Variants in SPAG17 observed in about 807,000 individuals in gnomAD.
SPAG17 encodes sperm-associated antigen 17.
In SPAG17, 169 loss-of-function variants were observed where a neutral mutation model predicts 273.6. The observed-to-expected ratio is 0.62, with a 90% CI of 0.55 to 0.70. SPAG17 has a LOEUF of 0.70. Ranked by LOEUF, SPAG17 falls within the 30% of genes least tolerant of loss-of-function variation. SPAG17 has a pLI of 0.00. For synonymous variants in SPAG17, 825 were observed against 873.2 expected (o/e 0.94, Z 0.97); for missense variants, 2,557 against 2,627.8 (o/e 0.97, Z 0.59).
intron 3 of SPAG17, among the ~76,000 whole-genome samples, chr1:118,142,620 T>C (rs1233220792): frequency 6.6e-6 from 1 of 152,252 alleles, no homozygotes; most frequent in Non-Finnish European, 1.5e-5. Context: ...CACTTAAGTC[T>C]GTGCCAGGTA....
chr1:118,016,265 T>C, intron 28 of SPAG17, 83 bp from the exon 29 acceptor site: 1 of 1,054,704 alleles, frequency 9.5e-7, no homozygotes, highest in Non-Finnish European at 1.4e-6. Flanking sequence ...TTTGACACAG[T>C]ACAAACTACC....
chr1:118,088,131 A>G (rs1329698677), intron 10 of SPAG17, among the ~76,000 whole-genome samples: 4 of 152,212 alleles, frequency 2.6e-5, no homozygotes, highest in African/African-American at 7.2e-5. Flanking sequence ...CAATCATAAA[A>G]GATCACTCAA....
intron 18 of SPAG17, among the ~76,000 whole-genome samples, chr1:118,059,714 T>G (rs1410890292): frequency 1.3e-5 from 2 of 152,142 alleles, no homozygotes; most frequent in Non-Finnish European, 2.9e-5. Flanking sequence ...TTGTAACAAT[T>G]TTTGACTTAA....
intron 3 of SPAG17, among the ~76,000 whole-genome samples, chr1:118,136,178 G>T (rs1296693535): frequency 1.3e-5 from 2 of 152,132 alleles, no homozygotes; most frequent in East Asian, 3.9e-4. Context: ...CTTTTTAGGG[G>T]TTCCAGCAAA....
intron 1 of SPAG17, among the ~76,000 whole-genome samples, chr1:118,170,858 G>A (rs1426221795): frequency 1.3e-5 from 2 of 152,290 alleles, no homozygotes; most frequent in African/African-American, 4.8e-5. Context: ...TATCTTGTGG[G>A]ATATCCTGTG....
At chr1:118,181,305 C>G (rs1009704382) in intron 1 of SPAG17, among the ~76,000 whole-genome samples, 1 of 151,678 alleles carries the variant, frequency 6.6e-6, no homozygotes, top group Non-Finnish European at 1.5e-5. Flanking sequence ...TTTAAATGTA[C>G]ATGTATTAAA....
Position 118,100,389 on chromosome 1 carries a change from C to T in SPAG17, c.635-589G>A, listed in dbSNP as rs184355020. 5.3e-5 allele frequency among the ~76,000 whole-genome samples: 8 copies of T among 152,148 alleles called. No individual in the cohort carries two copies. The East Asian group carries it at 1.4e-3, about 26-fold the overall frequency. On this transcript the variant is annotated intron_variant, in intron 5 of 48. Coordinates refer to ENST00000336338, the MANE Select transcript of SPAG17 (RefSeq NM_206996.4). ...CCTAACATTTTTCTCCTTTATTTGG[C>T]CCTGGTTATACTATTTTATTAATAT...
intron 48 of SPAG17, chr1:117,954,771 C>T: frequency 4.4e-6 from 4 of 909,318 alleles, no homozygotes; most frequent in Non-Finnish European, 6.5e-6. Context: ...TTGGCATTCT[C>T]TAGGATATTT....
intron 1 of SPAG17, among the ~76,000 whole-genome samples, chr1:118,182,523 T>TTTTTATATA (rs1235313136): frequency 9.2e-5 from 14 of 152,334 alleles, no homozygotes; most frequent in African/African-American, 3.4e-4. Context: ...CCAATGTACC[T>TTTTTATATA]ATTTTCTTTT....
chr1:118,180,247 TAC>T (rs1398440959), intron 1 of SPAG17, among the ~76,000 whole-genome samples: 2 of 152,012 alleles, frequency 1.3e-5, no homozygotes, highest in Non-Finnish European at 1.5e-5. Context: ...GCAGTACATA[TAC>T]ACAATGAAAT....
chr1:118,151,248 C>T lies in SPAG17; in HGVS notation c.209G>A (p.Trp70Ter). The T allele has an allele frequency of 6.3e-7, 1 of 1,591,072 alleles. No individual in the cohort carries two copies. Among genetic ancestry groups the T allele is most frequent in the Non-Finnish European group, 8.6e-7 (1 of 1,166,204 alleles). Residue 70 changes from tryptophan (W) to a stop codon, truncating the protein, a stop_gained, in exon 2 of 49, where the codon TGG becomes TAG. Transcript: ENST00000336338. LOFTEE classifies it high-confidence loss of function. Reference protein sequence around the residue: ...PQRKLFSMVSWQDILQQINEI... With the variant: ...PQRKLFSMVS ...AGGTACCTGCTGGAGAATGTCTTGC[C>T]ACGACACCATACTGAAGAGTTTACG...
intron 15 of SPAG17, 119 bp downstream of exon 15, chr1:118,080,982 T>G: frequency 2.5e-6 from 2 of 802,372 alleles, no homozygotes; most frequent in Non-Finnish European, 2.0e-6. Flanking sequence ...GTAAGAAAGT[T>G]TAATTAACCA....
intron 26 of SPAG17, 34 bp downstream of exon 26, chr1:118,028,240 C>A (rs1337456683): frequency 6.3e-7 from 1 of 1,578,186 alleles, no homozygotes; most frequent in Admixed American, 2.0e-5. Flanking sequence ...CATTTTGCTC[C>A]CTGCTTCCCC....
intron 31 of SPAG17, 92 bp downstream of exon 31, chr1:118,007,952 A>C (rs1221787334): frequency 1.4e-6 from 2 of 1,383,092 alleles, no homozygotes; most frequent in Non-Finnish European, 2.0e-6. Flanking sequence ...AGCAGTGTAC[A>C]TTGCAGGCAT....
At position 117,953,643 on chromosome 1, in the gene SPAG17, A is replaced by C. The variant is rs559880461; in HGVS notation, c.*407T>G. 8.7e-5 allele frequency: 101 copies of C among 1,161,490 alleles called. No individual in the cohort carries two copies. In the Admixed American group the frequency reaches 1.0e-3, roughly 12 times the overall value. 71.9% of individuals were successfully genotyped at this position (1,161,490 alleles called of 1,614,324 possible). On this transcript the variant is annotated 3_prime_UTR_variant, in exon 49 of 49. Coordinates refer to ENST00000336338, the MANE Select transcript of SPAG17 (RefSeq NM_206996.4). ...ACCAGAAAGCCATTTTTTTGGCAAA[A>C]AGTTGATGAGATTTAAAGATGGGGA...
chr1:118,003,273 C>T (rs1222927202), intron 32 of SPAG17, among the ~76,000 whole-genome samples: 1 of 152,170 alleles, frequency 6.6e-6, no homozygotes, highest in Non-Finnish European at 1.5e-5. Context: ...TCCTTCATTT[C>T]AACCCTGGTG....
At chr1:118,030,649 T>C (rs974052672) in intron 25 of SPAG17, among the ~76,000 whole-genome samples, 1 of 152,094 alleles carries the variant, frequency 6.6e-6, no homozygotes, top group Non-Finnish European at 1.5e-5. Flanking sequence ...CGTCCATGTG[T>C]TCTCATTGTT....
Position 118,185,137 on chromosome 1 carries a change from T to C in SPAG17, c.21A>G (p.Lys7=), listed in dbSNP as rs1661132734. 1.2e-6 allele frequency: 2 copies of C among 1,613,904 alleles called. No homozygotes were observed. The highest frequency in any genetic ancestry group is 2.2e-5 in the East Asian group (1 of 44,860). ...TAGAACTGGTGTTCACAGTTCCTCC[T>C]TTCTCCTTCTTGGGTGCCATGCAAA... MAPKKE[K]GGTVNTSSKI... Residue 7 remains lysine (K), a synonymous_variant, in exon 1 of 49, where the codon AAA becomes AAG. Transcript: ENST00000336338.
chr1:118,012,416 C>A (rs2101781618), intron 29 of SPAG17, 44 bp from the exon 30 acceptor site: 1 of 1,597,842 alleles, frequency 6.3e-7, no homozygotes, highest in Non-Finnish European at 8.5e-7. Context: ...CCACATGGTT[C>A]ATCCCAAGTG....
Sources: allele counts gnomAD v4.1 joint callset (sites outside exome capture counted in the v4.1 genomes callset), GRCh38; gene constraint gnomAD v4.1.1; transcripts MANE v1.5; gene names NCBI Gene and HGNC (gene_info 2026-07-23, HGNC 2026-07-21).